The following SLC15A5 variants were observed in gnomAD, a reference collection of about 807,000 sequenced individuals.
SLC15A5 encodes the protein Peptide/histidine transporter ENSP00000340402.
In SLC15A5, 58 loss-of-function variants were observed where a neutral mutation model predicts 56.1. The ratio of observed to expected loss-of-function variants is 1.03; its 90% CI spans 0.84 to 1.29. SLC15A5 has a LOEUF of 1.29. Ranked by LOEUF, SLC15A5 falls within the 50% of genes most tolerant of loss-of-function variation. The pLI, the probability that SLC15A5 is intolerant of heterozygous loss-of-function variation, is 0.00. For synonymous variants in SLC15A5, 264 were observed against 250.5 expected, an observed-to-expected ratio of 1.05 and a Z score of -0.51; for missense variants, 681 against 672.1, an observed-to-expected ratio of 1.01 and a Z score of -0.15.
chr12:16,190,418 G>A (rs1435599897), intron 8 of SLC15A5, among the ~76,000 whole-genome samples: 1 of 152,146 alleles, frequency 6.6e-6, no homozygotes, highest in Non-Finnish European at 1.5e-5. Flanking sequence ...TTTGGAACCA[G>A]AACTTGATTA....
At chr12:16,217,583 G>A (rs987621223) in intron 6 of SLC15A5, among the ~76,000 whole-genome samples, 3 of 152,068 alleles carry the variant, frequency 2.0e-5, no homozygotes, top group Non-Finnish European at 4.4e-5. Flanking sequence ...GAATAATATC[G>A]TTATTCACTT....
In SLC15A5 at chr12:16,235,575, A is replaced by C. The variant is rs1565666291; in HGVS notation, c.1162+4106T>G. Among the ~76,000 whole-genome samples, 1 of 152,122 alleles carries C rather than the reference A, an allele frequency of 6.6e-6. No homozygotes were observed. Among genetic ancestry groups the C allele is most frequent in the South Asian group, 2.1e-4 (1 of 4,838 alleles). ...GTTACATTTAAGAATTGAGAATACT[A>C]ATGTGCTTATATCAAACAAATGTGC... is the stretch of plus-strand genomic sequence containing the variant. On this transcript the variant is annotated intron_variant, in intron 5 of 8. Transcript: ENST00000344941. This position sits in a 1 kb window ranked among gnomAD's most constrained non-coding sequence, Gnocchi z 4.1.
chr12:16,263,383 G>A (rs541084547), intron 2 of SLC15A5, among the ~76,000 whole-genome samples: 11 of 152,142 alleles, frequency 7.2e-5, no homozygotes, highest in Non-Finnish European at 1.5e-4. Context: ...TTTCTAAGCA[G>A]CAAAGCATTC....
At chr12:16,213,827 A>G (rs967411118) in intron 7 of SLC15A5, among the ~76,000 whole-genome samples, 3 of 152,104 alleles carry the variant, frequency 2.0e-5, no homozygotes, top group African/African-American at 7.2e-5. Flanking sequence ...TCCTTGGTAA[A>G]TTTCCTTTCA....
rs1046081332 is a variant in SLC15A5 at position 16,189,664 on chromosome 12, A to G, written c.*4T>C. 8 of 1,488,020 alleles carry G rather than the reference A, an allele frequency of 5.4e-6. No individual in the cohort carries two copies. The highest frequency in any genetic ancestry group is 3.5e-4 in the Middle Eastern group (2 of 5,750). 92.2% of individuals were successfully genotyped at this position (1,488,020 alleles called of 1,614,324 possible). The stretch of plus-strand genomic sequence containing the variant: ...TCATAAGACAGGTAGACTCAAACAC[A>G]GTTTCATAGGGCTGTCTCCCAAAGA... On this transcript the variant is annotated 3_prime_UTR_variant, in exon 9 of 9. Transcript: ENST00000344941.
intron 7 of SLC15A5, among the ~76,000 whole-genome samples, chr12:16,215,633 A>G (rs1364267387): frequency 6.6e-6 from 1 of 152,200 alleles, no homozygotes; most frequent in Non-Finnish European, 1.5e-5. Flanking sequence ...TTTGAATTTG[A>G]GTTCTTTGAG....
At chr12:16,216,144 A>C (rs1277729412) in intron 7 of SLC15A5, among the ~76,000 whole-genome samples, 4 of 152,202 alleles carry the variant, frequency 2.6e-5, no homozygotes, top group African/African-American at 9.6e-5. Flanking sequence ...TACACTTGTG[A>C]TCATTTCCAT....
At chr12:16,259,410 C>A (rs557727392) in intron 2 of SLC15A5, among the ~76,000 whole-genome samples, 2 of 151,526 alleles carry the variant, frequency 1.3e-5, no homozygotes, top group East Asian at 3.9e-4. Flanking sequence ...TCGTCCCTCC[C>A]TCCCCCAGTT....
intron 4 of SLC15A5, among the ~76,000 whole-genome samples, chr12:16,240,192 G>A (rs1864399606): frequency 6.6e-6 from 1 of 152,114 alleles, no homozygotes; most frequent in Non-Finnish European, 1.5e-5. Flanking sequence ...CTTAAATTCT[G>A]TAGATAAGCA....
chr12:16,276,120 G>C (rs985264870), intron 1 of SLC15A5, among the ~76,000 whole-genome samples: 1 of 152,020 alleles, frequency 6.6e-6, no homozygotes, highest in African/African-American at 2.4e-5. Context: ...CTGGTACAGA[G>C]TAGTCAATAA....
intron 7 of SLC15A5, among the ~76,000 whole-genome samples, chr12:16,202,064 C>T (rs1351036710): frequency 1.3e-5 from 2 of 152,038 alleles, no homozygotes; most frequent in East Asian, 1.9e-4. Flanking sequence ...TTGAATATGA[C>T]AACAGAAGCA....
At chr12:16,244,449 G>C (rs143875542) in intron 4 of SLC15A5, 131 bp downstream of exon 4, 1 of 816,424 alleles carries the variant, frequency 1.2e-6, no homozygotes, top group African/African-American at 1.7e-5. Context: ...ATGATGAGAA[G>C]TTTCTGTGGG....
intron 5 of SLC15A5, among the ~76,000 whole-genome samples, chr12:16,232,675 G>A (rs796170321): frequency 3.7e-4 from 57 of 152,272 alleles, no homozygotes; most frequent in African/African-American, 1.4e-3. Context: ...CAGCACTTTG[G>A]GAGGCCGAGG....
At chr12:16,251,336 A>G (rs918036761) in intron 3 of SLC15A5, among the ~76,000 whole-genome samples, 1 of 151,938 alleles carries the variant, frequency 6.6e-6, no homozygotes, top group Admixed American at 6.6e-5. Flanking sequence ...AATAATAAAG[A>G]TTAGAGCAGA....
Position 16,224,484 on chromosome 12 carries a change from G to T in SLC15A5, c.1281C>A (p.Ser427=). ...PLSGKVLTVS[S]MPCFYLILQY... ...GAAGAATCAGGTAGAAACAGGGCAT[G>T]GAGGAAACAGTGAGAACTTTTCCTG... The change falls in exon 6 of 9, where the codon TCC becomes TCA. Residue 427 remains serine (S), a synonymous_variant. Coordinates refer to ENST00000344941, the MANE Select transcript of SLC15A5 (RefSeq NM_001170798.1). 20 of 1,537,266 alleles carry T rather than the reference G, an allele frequency of 1.3e-5. No individual in the cohort carries two copies. Among genetic ancestry groups the T allele is most frequent in the Non-Finnish European group, 1.7e-5 (20 of 1,146,904 alleles).
rs933093321 is a variant in SLC15A5, at chr12:16,257,738, A to G, written c.717T>C (p.His239=). 2.6e-6 allele frequency: 4 copies of G among 1,521,228 alleles called. No individual in the cohort carries two copies. The highest frequency in any genetic ancestry group is 2.8e-5 in the African/African-American group (2 of 71,968). The allele number at this position is 1,521,228 out of a possible 1,614,324, so 94.2% of individuals were successfully genotyped here. Residue 239 remains histidine, a synonymous_variant, in exon 3 of 9, where the codon CAT becomes CAC. Coordinates refer to ENST00000344941, the MANE Select transcript of SLC15A5 (RefSeq NM_001170798.1). The part of the protein sequence containing the change: ...MSMLMAVITL[H]MIYYNLIYQS... Reference sequence around the variant, plus strand: ...GATAAATTAGGTTGTAGTATATCATATGAAGAGTTATCACAGCCATAAGCA... The same window carrying G: ...GATAAATTAGGTTGTAGTATATCATGTGAAGAGTTATCACAGCCATAAGCA...
intron 8 of SLC15A5, among the ~76,000 whole-genome samples, chr12:16,192,270 C>CCT (rs1270744872): frequency 6.6e-6 from 1 of 152,022 alleles, no homozygotes; most frequent in Non-Finnish European, 1.5e-5. Flanking sequence ...TTTGTTTCTT[C>CCT]CTCTCTCTCT....
intron 8 of SLC15A5, among the ~76,000 whole-genome samples, chr12:16,191,979 A>G (rs1382132629): frequency 6.6e-6 from 1 of 152,102 alleles, no homozygotes; most frequent in Non-Finnish European, 1.5e-5. Flanking sequence ...GTCAGAGAGC[A>G]AGAAGGCAGC....
intron 5 of SLC15A5, among the ~76,000 whole-genome samples, chr12:16,225,685 C>A (rs141031539): frequency 0.022 from 3,314 of 152,266 alleles, 53 homozygotes; most frequent in Non-Finnish European, 0.036. Context: ...ATGCAGCCAA[C>A]AGACACATGA....
Sources: allele counts gnomAD v4.1 joint callset (sites outside exome capture counted in the v4.1 genomes callset), GRCh38; gene constraint gnomAD v4.1.1; non-coding constraint Gnocchi (gnomAD v3.1); transcripts MANE v1.5; gene names NCBI Gene and HGNC (gene_info 2026-07-23, HGNC 2026-07-21).